Variants in LITAF observed in about 807,000 individuals in gnomAD.
LITAF encodes lipopolysaccharide-induced tumor necrosis factor-alpha factor.
LITAF carries 9 observed loss-of-function variants against 14.5 expected under a neutral mutation model. That is an observed-to-expected ratio of 0.62 (90% CI 0.37 to 1.08). The LOEUF (loss-of-function observed/expected upper bound fraction) is 1.08. Ranked by LOEUF, LITAF falls within the 50% of genes least tolerant of loss-of-function variation. The pLI is 0.01. For missense variants in LITAF, 206 were observed against 213.4 expected, an observed-to-expected ratio of 0.97 and a Z score of 0.22; for synonymous variants, 98 against 88.2, an observed-to-expected ratio of 1.11 and a Z score of -0.62.
intron 1 of LITAF, among the ~76,000 whole-genome samples, chr16:11,595,115 G>T (rs1228565768): frequency 6.6e-6 from 1 of 152,038 alleles, no homozygotes; most frequent in Non-Finnish European, 1.5e-5. Context: ...ACCCATTAAC[G>T]ACCAATTCCG....
intron 1 of LITAF, among the ~76,000 whole-genome samples, chr16:11,577,963 G>A (rs913110711): frequency 6.6e-6 from 1 of 151,906 alleles, no homozygotes; most frequent in African/African-American, 2.4e-5. Context: ...TGGCTTGATC[G>A]TAACTCACTG....
In LITAF at chr16:11,558,234, A is replaced by C. The variant is rs1373914742; in HGVS notation, c.-5-1499T>G. Among the ~76,000 whole-genome samples, 1 of 152,170 alleles carries C rather than the reference A, an allele frequency of 6.6e-6. No homozygotes were observed. Among genetic ancestry groups the C allele is most frequent in the African/African-American group, 2.4e-5 (1 of 41,448 alleles). ...CCTGCCTCTAAACCAAGCCCCAAAG[A>C]GGAGACTTCTCTGGAGGAACCGAAG... is the stretch of plus-strand genomic sequence containing the variant. On this transcript the variant is annotated intron_variant, in intron 1 of 3. Coordinates refer to ENST00000622633, the MANE Select transcript of LITAF (RefSeq NM_001136472.2). This position sits in a 1 kb window ranked among gnomAD's most constrained non-coding sequence, Gnocchi z 4.1.
chr16:11,624,773 A>G (rs986721859), intron 3 of LITAF, among the ~76,000 whole-genome samples: 1 of 152,214 alleles, frequency 6.6e-6, no homozygotes, highest in Non-Finnish European at 1.5e-5. Context: ...TCTTCCTGTC[A>G]AGAGGTAGAG....
rs1022803492 is a variant in LITAF at position 11,549,915 on chromosome 16, T to C, written c.378-170A>G. Reference sequence around the variant, plus strand: ...ATCCAGGCGGACCCCTAAAACCCAATGACCTTAGAAGAAGAGGAGAGGACA... The same window carrying C: ...ATCCAGGCGGACCCCTAAAACCCAACGACCTTAGAAGAAGAGGAGAGGACA... On this transcript the variant is annotated intron_variant, in intron 3 of 3. Transcript: ENST00000622633. The surrounding 1 kb of genome is among the most constrained non-coding windows in gnomAD (Gnocchi z 4.6). The C allele has an allele frequency of 6.2e-6, 4 of 641,018 alleles. No individual in the cohort carries two copies. Among genetic ancestry groups the C allele is most frequent in the Admixed American group, 4.2e-5 (2 of 47,592 alleles). 39.7% of individuals were successfully genotyped at this position (641,018 alleles called of 1,614,324 possible).
Position 11,549,151 on chromosome 16 carries a change from T to G in LITAF, c.*486A>C. The G allele has an allele frequency of 2.2e-6, 1 of 454,134 alleles. No individual in the cohort carries two copies. Among genetic ancestry groups the G allele is most frequent in the Non-Finnish European group, 4.4e-6 (1 of 226,798 alleles). 28.1% of individuals were successfully genotyped at this position (454,134 alleles called of 1,614,324 possible). ...AGCCTGTAAAGTCTGTAAGGCAAGA[T>G]CTTTGTCATCAGGGACGGGAAGAGA... On this transcript the variant is annotated 3_prime_UTR_variant, in exon 4 of 4. Transcript: ENST00000622633. The surrounding 1 kb of genome is among the most constrained non-coding windows in gnomAD (Gnocchi z 4.6).
intron 3 of LITAF, among the ~76,000 whole-genome samples, chr16:11,633,205 C>T (rs2065125849): frequency 6.6e-6 from 1 of 152,176 alleles, no homozygotes; most frequent in Non-Finnish European, 1.5e-5. Flanking sequence ...CCCAGGGCCA[C>T]CTGAACAGGG....
chr16:11,575,218 G>A (rs6498226), intron 1 of LITAF, among the ~76,000 whole-genome samples: 103,739 of 151,958 alleles, frequency 0.68, 35,597 homozygotes, highest in Non-Finnish European at 0.72. Flanking sequence ...GGCCTTATGG[G>A]ACCCATATAG....
At chr16:11,617,205 G>A (rs2065024439) in intron 3 of LITAF, among the ~76,000 whole-genome samples, 1 of 151,996 alleles carries the variant, frequency 6.6e-6, no homozygotes, top group African/African-American at 2.4e-5. Context: ...GGGTGACAGA[G>A]CGAGACTCCA....
intron 1 of LITAF, among the ~76,000 whole-genome samples, chr16:11,581,526 G>T (rs956793372): frequency 2.6e-5 from 4 of 152,104 alleles, no homozygotes; most frequent in African/African-American, 9.7e-5. Context: ...GAGGTGGAAG[G>T]ATGGCTTGAG....
At chr16:11,606,969 G>A (rs1338747537) in intron 3 of LITAF, among the ~76,000 whole-genome samples, 2 of 152,062 alleles carry the variant, frequency 1.3e-5, no homozygotes, top group Non-Finnish European at 2.9e-5. Context: ...ACAACCTTAC[G>A]AGCGAAGTGC....
Position 11,553,853 on chromosome 16 carries a change from G to T in LITAF, c.221-164C>A. On this transcript the variant is annotated intron_variant, in intron 2 of 3. Coordinates refer to ENST00000622633, the MANE Select transcript of LITAF (RefSeq NM_001136472.2). The surrounding 1 kb of genome is among the most constrained non-coding windows in gnomAD (Gnocchi z 7.7). ...TCTGGCTATCTATGAGAGCCAAAAG[G>T]GGAAGGAACACCAGTGTCCATCGAC... 1 of 730,106 alleles carries T rather than the reference G, an allele frequency of 1.4e-6. No individual in the cohort carries two copies. Among genetic ancestry groups the T allele is most frequent in the Non-Finnish European group, 2.3e-6 (1 of 432,294 alleles). The allele number at this position is 730,106 out of a possible 1,614,324, so 45.2% of individuals were successfully genotyped here. A position where few individuals can be genotyped will look rare whatever the true frequency, so the allele number is the denominator to read the frequency against.
upstream of LITAF, chr16:11,636,407 C>G (rs1167244705): frequency 6.6e-6 from 1 of 152,256 alleles, no homozygotes; most frequent in East Asian, 1.9e-4. Context: ...GAAGGTTTTA[C>G]AGATGAGCTT....
chr16:11,557,154 C>T (rs1424099281), intron 1 of LITAF, among the ~76,000 whole-genome samples: 1 of 151,772 alleles, frequency 6.6e-6, no homozygotes, highest in Non-Finnish European at 1.5e-5. Flanking sequence ...AAGATAAAGG[C>T]ATTCAAAAAC....
chr16:11,639,079 TG>T (rs1468452117), upstream of LITAF, among the ~76,000 whole-genome samples: 6 of 151,872 alleles, frequency 4.0e-5, no homozygotes, highest in African/African-American at 1.5e-4. Flanking sequence ...GATGGATGGA[TG>T]GATGAGTAAA....
chr16:11,599,197 C>A (rs926601346), upstream of LITAF, among the ~76,000 whole-genome samples: 2 of 152,040 alleles, frequency 1.3e-5, no homozygotes, highest in Admixed American at 6.6e-5. Context: ...CGGCTCACTG[C>A]AGCCTCCGCC....
chr16:11,613,546 C>G (rs1401979474), intron 3 of LITAF, among the ~76,000 whole-genome samples: 2 of 152,216 alleles, frequency 1.3e-5, no homozygotes, highest in Admixed American at 6.5e-5. Flanking sequence ...ACGGACAACT[C>G]CTGGAGGGTG....
Position 11,556,556 on chromosome 16 carries a change from G to C in LITAF, c.175C>G (p.Pro59Ala), listed in dbSNP as rs763382855. The change falls in exon 2 of 4, where the codon CCT (proline) becomes GCT (alanine). Residue 59 changes from proline to alanine, a missense_variant. Physicochemically the swap from Pro to Ala is conservative, Grantham distance 27. Coordinates refer to ENST00000622633, the MANE Select transcript of LITAF (RefSeq NM_001136472.2). Reference protein sequence around the residue: ...TGPDGKGMNPPSYYTQPAPIP... With the variant: ...TGPDGKGMNPASYYTQPAPIP... ...GGCGCTGGCTGGGTATAATACGAAGGAGGATTCATGCCCTTCCCATCAGGC... is the reference window on the plus strand; with the variant it reads ...GGCGCTGGCTGGGTATAATACGAAGCAGGATTCATGCCCTTCCCATCAGGC... 6.2e-7 allele frequency: 1 copy of C among 1,614,176 alleles called. No individual in the cohort carries two copies. The highest frequency in any genetic ancestry group is 2.2e-5 in the East Asian group (1 of 44,884).
intron 3 of LITAF, among the ~76,000 whole-genome samples, chr16:11,550,352 A>G (rs2064164858): frequency 6.6e-6 from 1 of 152,132 alleles, no homozygotes. Flanking sequence ...GGCCTCCCCA[A>G]GTGCTGGGAT....
Position 11,553,699 on chromosome 16 carries a change from G to A in LITAF, c.221-10C>T. 6.2e-7 allele frequency: 1 copy of A among 1,614,040 alleles called. No individual in the cohort carries two copies. The highest frequency in any genetic ancestry group is 1.7e-5 in the Admixed American group (1 of 59,980). On this transcript the variant is annotated splice_polypyrimidine_tract_variant and intron_variant, in intron 2 of 3. Coordinates refer to ENST00000622633, the MANE Select transcript of LITAF (RefSeq NM_001136472.2). This position sits in a 1 kb window ranked among gnomAD's most constrained non-coding sequence, Gnocchi z 7.7. ...ACCGTCTGCACGGTAACTGATGAAA[G>A]GGAGAGGGACAAACACAGGTTGCTC...
Sources: allele counts gnomAD v4.1 joint callset (sites outside exome capture counted in the v4.1 genomes callset), GRCh38; gene constraint gnomAD v4.1.1; non-coding constraint Gnocchi (gnomAD v3.1); transcripts MANE v1.5; gene names NCBI Gene and HGNC (gene_info 2026-07-23, HGNC 2026-07-21).